The following MAPK6 variants were observed in gnomAD, a reference collection of about 807,000 sequenced individuals.
MAPK6 encodes mitogen-activated protein kinase 6, also known as ERK-3.
MAPK6 carries 19 observed loss-of-function variants against 59.3 expected under a neutral mutation model. The observed-to-expected ratio is 0.32, with a 90% confidence interval of 0.22 to 0.47. The LOEUF (loss-of-function observed/expected upper bound fraction) is 0.47, where lower values mean the gene tolerates loss of function less well. Among genes scored for constraint, MAPK6 ranks in the 20% least tolerant of loss-of-function variants. The pLI, the probability that MAPK6 is intolerant of heterozygous loss-of-function variation, is 1.00. For synonymous variants in MAPK6, 316 were observed against 290.3 expected (o/e 1.09, Z -0.90); for missense variants, 724 against 847.9 (o/e 0.85, Z 1.81).
At chr15:52,038,307 A>G (rs2031308705) in intron 1 of MAPK6, among the ~76,000 whole-genome samples, 1 of 152,218 alleles carries the variant, frequency 6.6e-6, no homozygotes, top group Non-Finnish European at 1.5e-5. Context: ...TTTTAAAAAC[A>G]TCTTGGTTCA....
intron 5 of MAPK6, among the ~76,000 whole-genome samples, chr15:52,062,492 C>T (rs571637469): frequency 4.5e-4 from 69 of 152,090 alleles, no homozygotes; most frequent in African/African-American, 1.0e-3. Context: ...TGGCTGGGCG[C>T]GGTGGCTCAT....
intron 1 of MAPK6, among the ~76,000 whole-genome samples, chr15:51,977,979 T>G (rs2057162087): frequency 6.6e-6 from 1 of 151,776 alleles, no homozygotes. Flanking sequence ...GGTATTTTGT[T>G]ATGCAGCCTT....
At chr15:52,037,816 G>A (rs969613694) in intron 1 of MAPK6, among the ~76,000 whole-genome samples, 8 of 152,168 alleles carry the variant, frequency 5.3e-5, no homozygotes, top group African/African-American at 1.7e-4. Context: ...TTCTACTCAC[G>A]TAGAATATGC....
rs199584418 is a variant in MAPK6 at position 52,050,160 on chromosome 15, A to T, written c.700+23A>T. 289 of 1,582,256 alleles carry T rather than the reference A, an allele frequency of 1.8e-4. 2 individuals are homozygous for T. The highest frequency in any genetic ancestry group is 3.3e-5 in the Non-Finnish European group (39 of 1,172,738). Reference sequence around the variant, plus strand: ...CAGGTTAGTATTTTGTGGGGGGAAAAATTTTCCCAAAGAGAAGTAATTTTG... The same window carrying T: ...CAGGTTAGTATTTTGTGGGGGGAAATATTTTCCCAAAGAGAAGTAATTTTG... On this transcript the variant is annotated intron_variant, in intron 3 of 5. Transcript: ENST00000261845.
At chr15:52,010,480 G>T (rs1037451488) in intron 3 of MAPK6, among the ~76,000 whole-genome samples, 2 of 148,158 alleles carry the variant, frequency 1.3e-5, no homozygotes, top group African/African-American at 5.0e-5. Context: ...CTTCCAAAGT[G>T]CTGGGATTAC....
chr15:52,051,834 A>G (rs1444620093), intron 3 of MAPK6, among the ~76,000 whole-genome samples: 5 of 151,350 alleles, frequency 3.3e-5, no homozygotes, highest in African/African-American at 1.2e-4. Context: ...GGATCGCGCC[A>G]TTGCACTCCA....
chr15:52,041,350 C>T (rs577333052), intron 1 of MAPK6, among the ~76,000 whole-genome samples: 1 of 152,274 alleles, frequency 6.6e-6, no homozygotes, highest in Admixed American at 6.5e-5. Flanking sequence ...ACATGCGCCA[C>T]CACGCCCAGC....
intron 2 of MAPK6, among the ~76,000 whole-genome samples, chr15:51,999,597 T>C (rs2057236600): frequency 6.6e-6 from 1 of 152,294 alleles, no homozygotes; most frequent in South Asian, 2.1e-4. Context: ...ACTTTCCTTT[T>C]TTTAAGGTTT....
At chr15:51,977,359 TG>T (rs1472530707) in intron 1 of MAPK6, among the ~76,000 whole-genome samples, 1 of 151,678 alleles carries the variant, frequency 6.6e-6, no homozygotes, top group Non-Finnish European at 1.5e-5. Context: ...GAAAGAGTAA[TG>T]GTATCCGAAG....
chr15:52,050,152 G>C lies in MAPK6; in HGVS notation c.700+15G>C. On this transcript the variant is annotated intron_variant, in intron 3 of 5. Transcript: ENST00000261845. ...CCTTTTTGCAGGTTAGTATTTTGTG[G>C]GGGGAAAAATTTTCCCAAAGAGAAG... 2.5e-6 allele frequency: 4 copies of C among 1,585,314 alleles called. No homozygotes were observed. The highest frequency in any genetic ancestry group is 3.4e-6 in the Non-Finnish European group (4 of 1,173,492).
intron 4 of MAPK6, among the ~76,000 whole-genome samples, chr15:52,059,765 T>A (rs1191568327): frequency 1.3e-5 from 2 of 152,236 alleles, no homozygotes; most frequent in East Asian, 3.8e-4. Context: ...TGGTCACATG[T>A]GGCAGCACTG....
At chr15:52,036,792 CCTTT>C (rs977700408) in intron 1 of MAPK6, among the ~76,000 whole-genome samples, 18 of 152,150 alleles carry the variant, frequency 1.2e-4, no homozygotes, top group Non-Finnish European at 2.2e-4. Flanking sequence ...TTCCTTCCTT[CCTTT>C]TTCTTTCCTT....
upstream of MAPK6, among the ~76,000 whole-genome samples, chr15:52,016,846 C>G (rs2030285054): frequency 6.6e-6 from 1 of 152,102 alleles, no homozygotes. Flanking sequence ...GAGATCGAGA[C>G]CATCCTGGTC....
chr15:51,975,605 T>C, intron 1 of MAPK6, among the ~76,000 whole-genome samples: 1 of 151,882 alleles, frequency 6.6e-6, no homozygotes, highest in Non-Finnish European at 1.5e-5. Context: ...GTTTTTAAAT[T>C]TGTGTAACAC....
intron 1 of MAPK6, among the ~76,000 whole-genome samples, chr15:51,972,272 G>A (rs1428817445): frequency 1.3e-5 from 2 of 152,200 alleles, no homozygotes; most frequent in East Asian, 3.9e-4. Flanking sequence ...CCGAGTAGCT[G>A]GGACGACAGG....
rs990023940 is a variant in MAPK6, at chr15:52,041,455, C to T, written c.-631-4375C>T. On this transcript the variant is annotated intron_variant, in intron 1 of 5. Transcript: ENST00000261845. ...AGGTGATCTGCCCGCCTCAGCCTCC[C>T]AAAATGCTGGGATTACAGGCGTGAG... Among the ~76,000 whole-genome samples, 5 of 152,284 alleles carry T rather than the reference C, an allele frequency of 3.3e-5. No homozygotes were observed. The East Asian group carries it at 9.6e-4, about 29-fold the overall frequency.
intron 3 of MAPK6, among the ~76,000 whole-genome samples, chr15:52,050,855 C>T (rs1420306387): frequency 6.6e-6 from 1 of 151,812 alleles, no homozygotes; most frequent in Non-Finnish European, 1.5e-5. Context: ...GAGATTTGTG[C>T]AAGTTGTCAA....
At chr15:52,043,264 C>CT (rs2141078003) in intron 1 of MAPK6, among the ~76,000 whole-genome samples, 1 of 152,162 alleles carries the variant, frequency 6.6e-6, no homozygotes, top group African/African-American at 2.4e-5. Context: ...AAATCTGAAA[C>CT]TTTTTTACCA....
intron 2 of MAPK6, among the ~76,000 whole-genome samples, chr15:51,997,392 C>A (rs566941664): frequency 7.2e-6 from 1 of 138,866 alleles, no homozygotes; most frequent in East Asian, 2.0e-4. Flanking sequence ...CTGCCTCAGC[C>A]TCCTAAGTAG....
Sources: allele counts gnomAD v4.1 joint callset (sites outside exome capture counted in the v4.1 genomes callset), GRCh38; gene constraint gnomAD v4.1.1; transcripts MANE v1.5; gene names NCBI Gene and HGNC (gene_info 2026-07-23, HGNC 2026-07-21).